SPMIP7: variants seen among roughly 807,000 people sequenced by gnomAD.
The protein encoded by SPMIP7 is sperm microtubule inner protein 7.
the SPMIP7 span, among the ~76,000 whole-genome samples, chr7:50,114,023 C>G: frequency 6.6e-6 from 1 of 151,746 alleles, no homozygotes; most frequent in Non-Finnish European, 1.5e-5. Flanking sequence ...TTTTAAGTAA[C>G]AAAAACAAAT....
chr7:50,145,517 C>A, the SPMIP7 span, among the ~76,000 whole-genome samples: 1 of 137,590 alleles, frequency 7.3e-6, no homozygotes, highest in Non-Finnish European at 1.6e-5. Context: ...TGTTGGGGTA[C>A]TTTTTCTTTT....
chr7:50,151,478 A>AAGGT, the SPMIP7 span: 2 of 1,551,600 alleles, frequency 1.3e-6, no homozygotes, highest in Non-Finnish European at 1.7e-6. Flanking sequence ...ATATACCGGC[A>AAGGT]AGGTTCATTT....
the SPMIP7 span, among the ~76,000 whole-genome samples, chr7:50,118,440 A>G: frequency 6.6e-6 from 1 of 152,224 alleles, no homozygotes; most frequent in Non-Finnish European, 1.5e-5. Flanking sequence ...TGAAAACAAT[A>G]AAAACTTCAG....
the SPMIP7 span, among the ~76,000 whole-genome samples, chr7:50,101,188 A>G: frequency 6.6e-6 from 1 of 152,230 alleles, no homozygotes; most frequent in African/African-American, 2.4e-5. Flanking sequence ...GCTTGGGCCA[A>G]TTATATGTTA....
the SPMIP7 span, chr7:50,117,375 C>T: frequency 3.6e-5 from 14 of 388,066 alleles, no homozygotes; most frequent in Admixed American, 3.6e-4. Context: ...GTAGTTTCAT[C>T]TGAGCCGCTT....
At chr7:50,117,406 G>T in the SPMIP7 span, 2 of 330,182 alleles carry the variant, frequency 6.1e-6, no homozygotes, top group Non-Finnish European at 1.2e-5. Context: ...ACCTTTATTT[G>T]CAAGTCTTGC....
the SPMIP7 span, among the ~76,000 whole-genome samples, chr7:50,116,707 T>G: frequency 2.0e-5 from 3 of 152,206 alleles, no homozygotes; most frequent in East Asian, 5.8e-4. Flanking sequence ...TAAATCAATA[T>G]TCTAACTATA....
chr7:50,116,752 T>A, the SPMIP7 span, among the ~76,000 whole-genome samples: 1 of 152,166 alleles, frequency 6.6e-6, no homozygotes, highest in Non-Finnish European at 1.5e-5. Context: ...TTTAAAAAAA[T>A]GGATACATAA....
chr7:50,124,801 A>G, the SPMIP7 span, among the ~76,000 whole-genome samples: 12 of 152,048 alleles, frequency 7.9e-5, no homozygotes, highest in African/African-American at 2.4e-4. Context: ...TAATGTTTCA[A>G]TATTAAGAAA....
chr7:50,128,749 G>A, the SPMIP7 span, among the ~76,000 whole-genome samples: 1 of 151,952 alleles, frequency 6.6e-6, no homozygotes, highest in Admixed American at 6.6e-5. Context: ...AATTCTAAAA[G>A]AAGAGAATAA....
chr7:50,110,299 G>GA, the SPMIP7 span, among the ~76,000 whole-genome samples: 8 of 150,462 alleles, frequency 5.3e-5, no homozygotes, highest in African/African-American at 1.9e-4. Context: ...AGAGGTGGGG[G>GA]AAAAAAACAC....
the SPMIP7 span, chr7:50,096,100 T>C: frequency 6.7e-6 from 10 of 1,484,278 alleles, no homozygotes; most frequent in African/African-American, 1.4e-4. Context: ...ATGTAGAAAT[T>C]CAGGACACAC....
the SPMIP7 span, among the ~76,000 whole-genome samples, chr7:50,114,162 C>T: frequency 1.6e-4 from 24 of 151,854 alleles, no homozygotes; most frequent in African/African-American, 4.1e-4. Context: ...TTTCTTTAGA[C>T]AGAAGAAAAT....
At chr7:50,158,864 G>A in the SPMIP7 span, among the ~76,000 whole-genome samples, 15 of 152,190 alleles carry the variant, frequency 9.9e-5, no homozygotes, top group South Asian at 6.2e-4. Context: ...AATTCTCTGC[G>A]CAGCACAGAG....
the SPMIP7 span, among the ~76,000 whole-genome samples, chr7:50,118,890 T>C: frequency 0.31 from 47,898 of 152,148 alleles, 8,488 homozygotes; most frequent in Non-Finnish European, 0.42. Context: ...ATTGACTCCT[T>C]ATGGAATAGT....
At chr7:50,102,842 C>T in the SPMIP7 span, among the ~76,000 whole-genome samples, 117,814 of 151,440 alleles carry the variant, frequency 0.78, 45,937 homozygotes, top group East Asian at 0.88. Flanking sequence ...TCTTTGTGTT[C>T]ATTAATTATA....
the SPMIP7 span, among the ~76,000 whole-genome samples, chr7:50,125,117 C>CTATATATATATATAT: frequency 2.3e-5 from 1 of 44,366 alleles, no homozygotes; most frequent in Non-Finnish European, 4.2e-5. Flanking sequence ...TATATATATA[C>CTATATATATATATAT]ACACACACAC....
At chr7:50,111,156 T>C in the SPMIP7 span, among the ~76,000 whole-genome samples, 1 of 150,246 alleles carries the variant, frequency 6.7e-6, no homozygotes, top group Non-Finnish European at 1.5e-5. Flanking sequence ...GGTGTCATTG[T>C]CTGGGGTAAT....
At chr7:50,098,839 G>GGC in the SPMIP7 span, among the ~76,000 whole-genome samples, 76 of 4,818 alleles carry the variant, frequency 0.016, no homozygotes, top group African/African-American at 0.046. Flanking sequence ...ACACGAATCT[G>GGC]GGGGGATACA....
Sources: allele counts gnomAD v4.1 joint callset (sites outside exome capture counted in the v4.1 genomes callset), GRCh38; gene constraint gnomAD v4.1.1; transcripts MANE v1.5; gene names NCBI Gene and HGNC (gene_info 2026-07-23, HGNC 2026-07-21).